The following MAPK10 variants were observed in gnomAD, a reference collection of about 807,000 sequenced individuals.
MAPK10 encodes the protein JNK3 alpha protein kinase.
MAPK10 carries 25 observed loss-of-function variants against 59.3 expected under a neutral mutation model. The ratio of observed to expected loss-of-function variants is 0.42; its 90% CI spans 0.31 to 0.59. The LOEUF (loss-of-function observed/expected upper bound fraction) is 0.59, where lower values mean the gene tolerates loss of function less well. Among genes scored for constraint, MAPK10 ranks in the 20% least tolerant of loss-of-function variants. The probability of loss-of-function intolerance (pLI) is 0.15; values close to 1 mark genes in which losing one functional copy is unlikely to be tolerated. For missense variants in MAPK10, 351 were observed against 568.9 expected (o/e 0.62, Z 3.90); for synonymous variants, 190 against 200.5 (o/e 0.95, Z 0.44).
At chr4:86,403,715 T>G (rs1263278077) in intron 1 of MAPK10, among the ~76,000 whole-genome samples, 1 of 152,090 alleles carries the variant, frequency 6.6e-6, no homozygotes, top group Non-Finnish European at 1.5e-5. Context: ...AAATGCCAGA[T>G]GCTAATAAAA....
At chr4:86,462,368 G>A (rs188803640) in intron 1 of MAPK10, among the ~76,000 whole-genome samples, 27 of 152,338 alleles carry the variant, frequency 1.8e-4, no homozygotes, top group African/African-American at 6.5e-4. Flanking sequence ...GCTCCTGATT[G>A]TGCTGTATGT....
At chr4:86,366,827 C>T (rs1299794388) in intron 1 of MAPK10, among the ~76,000 whole-genome samples, 1 of 152,126 alleles carries the variant, frequency 6.6e-6, no homozygotes, top group African/African-American at 2.4e-5. Context: ...CAACTAATGC[C>T]CTAAGGTCTC....
At chr4:86,382,058 T>C (rs142887299) in intron 1 of MAPK10, among the ~76,000 whole-genome samples, 1,527 of 152,208 alleles carry the variant, frequency 0.01, 6 homozygotes, top group Non-Finnish European at 0.015. Flanking sequence ...CTGAGCACTG[T>C]AGAATGTTTA....
chr4:86,246,979 A>T lies in MAPK10; in HGVS notation c.-6-52572T>A, dbSNP rs569689484. Among the ~76,000 whole-genome samples the T allele has an allele frequency of 6.6e-5, 10 of 152,344 alleles. No individual in the cohort carries two copies. The East Asian group carries it at 9.7e-4, about 15-fold the overall frequency. On this transcript the variant is annotated intron_variant, in intron 2 of 13. Coordinates refer to ENST00000641462, the MANE Select transcript of MAPK10 (RefSeq NM_138982.4). Reference sequence around the variant, plus strand: ...GTGCAACCTAAGTTGGACCAATCAGACTAAAGGTAAGAATCTTTACTCCTT... The same window carrying T: ...GTGCAACCTAAGTTGGACCAATCAGTCTAAAGGTAAGAATCTTTACTCCTT...
intron 1 of MAPK10, among the ~76,000 whole-genome samples, chr4:86,383,400 C>G (rs1171957125): frequency 6.6e-6 from 1 of 152,194 alleles, no homozygotes; most frequent in Admixed American, 6.5e-5. Flanking sequence ...ACCTGTTCTA[C>G]TCATTTACCC....
intron 4 of MAPK10, among the ~76,000 whole-genome samples, chr4:86,146,339 T>G (rs1341614059): frequency 6.6e-6 from 1 of 152,150 alleles, no homozygotes; most frequent in Non-Finnish European, 1.5e-5. Flanking sequence ...AAAAATAATG[T>G]GATGATGCTA....
chr4:86,029,009 G>T (rs761135462), intron 13 of MAPK10, 188 bp downstream of exon 13: 46 of 680,328 alleles, frequency 6.8e-5, no homozygotes, highest in Non-Finnish European at 1.0e-4. Flanking sequence ...ATTACCATCA[G>T]AATAATCAGA....
chr4:86,341,784 A>AC (rs1725058970), intron 2 of MAPK10, among the ~76,000 whole-genome samples: 1 of 150,824 alleles, frequency 6.6e-6, no homozygotes, highest in Non-Finnish European at 1.5e-5. Flanking sequence ...AAAAGAGAAG[A>AC]CATGATGACA....
At chr4:86,316,669 T>C (rs893106354) in intron 2 of MAPK10, among the ~76,000 whole-genome samples, 6 of 152,120 alleles carry the variant, frequency 3.9e-5, no homozygotes, top group Admixed American at 3.9e-4. Context: ...ATGATTTTCA[T>C]CCCAGGTAAG....
At chr4:86,463,901 A>G (rs1430319919) in intron 1 of MAPK10, among the ~76,000 whole-genome samples, 1 of 152,192 alleles carries the variant, frequency 6.6e-6, no homozygotes. Context: ...TAGATTTGCT[A>G]ATTTTTCCAA....
At chr4:86,202,354 T>C (rs1398812873) in intron 2 of MAPK10, among the ~76,000 whole-genome samples, 1 of 151,908 alleles carries the variant, frequency 6.6e-6, no homozygotes, top group African/African-American at 2.4e-5. Flanking sequence ...TCGTATAGTA[T>C]TGTAACCATT....
intron 11 of MAPK10, among the ~76,000 whole-genome samples, chr4:86,053,953 C>A (rs1201457943): frequency 6.6e-6 from 1 of 152,142 alleles, no homozygotes; most frequent in Non-Finnish European, 1.5e-5. Context: ...AAAATAATTT[C>A]TGTTCCCTTC....
chr4:86,275,876 G>A (rs985417736), intron 2 of MAPK10, among the ~76,000 whole-genome samples: 1 of 151,712 alleles, frequency 6.6e-6, no homozygotes, highest in East Asian at 1.9e-4. Context: ...ATTTGATTTG[G>A]TATTTAAATA....
In MAPK10 at chr4:86,499,993, A is replaced by T. The variant is rs150589139; in HGVS notation, c.-263+93917T>A. Among the ~76,000 whole-genome samples the T allele has an allele frequency of 4.6e-4, 70 of 152,304 alleles. No homozygotes were observed. The East Asian group carries it at 8.7e-3, about 19-fold the overall frequency. ...TAAAAGCGCCTGAGTCACTGATACC[A>T]CTTTAGAGCTACCATATAAGCCTCT... On this transcript the variant is annotated intron_variant, in intron 1 of 4. Coordinates refer to the MAPK10 transcript ENST00000502302.
intron 1 of MAPK10, among the ~76,000 whole-genome samples, chr4:86,498,341 T>C (rs1211379191): frequency 6.6e-6 from 1 of 152,226 alleles, no homozygotes; most frequent in Non-Finnish European, 1.5e-5. Flanking sequence ...AATATCACTT[T>C]TATTGATAAT....
chr4:86,171,291 T>C (rs992724485), intron 3 of MAPK10, among the ~76,000 whole-genome samples: 5 of 152,102 alleles, frequency 3.3e-5, no homozygotes, highest in Non-Finnish European at 7.4e-5. Context: ...TAGGAGCTGG[T>C]TTTTTGAAAG....
upstream of MAPK10, among the ~76,000 whole-genome samples, chr4:86,455,899 T>C (rs1329525892): frequency 1.3e-5 from 2 of 152,198 alleles, no homozygotes; most frequent in East Asian, 1.9e-4. Flanking sequence ...ATAGACTGTA[T>C]GATAGGCCAC....
At chr4:86,529,300 A>G (rs945780523) in intron 1 of MAPK10, among the ~76,000 whole-genome samples, 3 of 152,136 alleles carry the variant, frequency 2.0e-5, no homozygotes, top group African/African-American at 7.2e-5. Context: ...CACTGCATCA[A>G]TCCTGGGACA....
At chr4:86,221,116 C>T (rs2089443724) in intron 2 of MAPK10, among the ~76,000 whole-genome samples, 1 of 152,174 alleles carries the variant, frequency 6.6e-6, no homozygotes, top group African/African-American at 2.4e-5. Context: ...GACAGACAGA[C>T]AGCCAAGGAG....
Sources: gnomAD v4.1 joint callset for allele counts (sites outside exome capture counted in the v4.1 genomes callset) on GRCh38, gnomAD v4.1.1 for gene constraint, MANE v1.5 for transcripts, NCBI Gene and HGNC (gene_info 2026-07-23, HGNC 2026-07-21) for gene names.